The following HIVEP3 variants were observed in gnomAD, a reference collection of about 807,000 sequenced individuals.
HIVEP3 encodes transcription factor HIVEP3.
A neutral mutation model predicts 152.8 loss-of-function variants in HIVEP3; 49 were observed. The ratio of observed to expected loss-of-function variants is 0.32; its 90% CI spans 0.26 to 0.41. The LOEUF is 0.41. Among genes scored for constraint, HIVEP3 ranks in the 10% least tolerant of loss-of-function variants. HIVEP3 has a pLI of 1.00. For missense variants in HIVEP3, 2,790 were observed against 3,103.3 expected (o/e 0.90, Z 2.40); for synonymous variants, 1,269 against 1,289.0 (o/e 0.98, Z 0.33).
At chr1:41,547,860 C>G (rs1643841747) in intron 5 of HIVEP3, among the ~76,000 whole-genome samples, 1 of 150,794 alleles carries the variant, frequency 6.6e-6, no homozygotes, top group African/African-American at 2.4e-5. Context: ...ACACCTTCCA[C>G]CTGACCATGG....
chr1:41,630,323 G>A (rs995302550), intron 2 of HIVEP3, among the ~76,000 whole-genome samples: 109 of 152,258 alleles, frequency 7.2e-4, no homozygotes, highest in African/African-American at 2.5e-3. Flanking sequence ...TACCTAGTGC[G>A]TACTATGCTC....
At chr1:41,906,666 G>A (rs1644716219) in intron 1 of HIVEP3, among the ~76,000 whole-genome samples, 1 of 152,054 alleles carries the variant, frequency 6.6e-6, no homozygotes, top group East Asian at 1.9e-4. Context: ...ACTTCAAAAG[G>A]TGAATTTTAT....
intron 1 of HIVEP3, among the ~76,000 whole-genome samples, chr1:41,862,598 A>T (rs1421207572): frequency 1.3e-5 from 2 of 152,056 alleles, no homozygotes; most frequent in African/African-American, 4.8e-5. Flanking sequence ...CATGGCTGTC[A>T]ACATTTCCCA....
intron 1 of HIVEP3, among the ~76,000 whole-genome samples, chr1:41,938,215 C>T (rs1392480170): frequency 6.6e-6 from 1 of 152,178 alleles, no homozygotes; most frequent in East Asian, 1.9e-4. Flanking sequence ...TCTCTCATAG[C>T]ACCACATCTC....
intron 1 of HIVEP3, among the ~76,000 whole-genome samples, chr1:41,811,011 A>G (rs868854765): frequency 6.6e-6 from 1 of 151,926 alleles, no homozygotes; most frequent in Non-Finnish European, 1.5e-5. Context: ...GACTCCTAGG[A>G]TGCCCTTTTC....
chr1:41,570,489 G>A (rs564010200), intron 5 of HIVEP3, among the ~76,000 whole-genome samples: 1 of 152,268 alleles, frequency 6.6e-6, no homozygotes, highest in Non-Finnish European at 1.5e-5. Flanking sequence ...ACCTTGCGAA[G>A]AAGGTGCCTT....
intron 1 of HIVEP3, among the ~76,000 whole-genome samples, chr1:41,765,840 G>A (rs1244338000): frequency 6.6e-6 from 1 of 152,084 alleles, no homozygotes; most frequent in Non-Finnish European, 1.5e-5. Flanking sequence ...GTCACAGAAT[G>A]TCCCTGCCCT....
At chr1:41,959,828 A>T (rs1279474691) in intron 1 of HIVEP3, among the ~76,000 whole-genome samples, 1 of 152,150 alleles carries the variant, frequency 6.6e-6, no homozygotes, top group African/African-American at 2.4e-5. Flanking sequence ...GTTTTTGCTA[A>T]AATTAAGTTA....
chr1:41,977,516 C>T (rs940048586), intron 1 of HIVEP3, among the ~76,000 whole-genome samples: 1 of 152,148 alleles, frequency 6.6e-6, no homozygotes, highest in Non-Finnish European at 1.5e-5. Flanking sequence ...AGTGTCACAT[C>T]CCCCCATCTC....
chr1:41,538,920 C>T (rs142872025), intron 5 of HIVEP3, among the ~76,000 whole-genome samples: 13 of 152,102 alleles, frequency 8.5e-5, no homozygotes, highest in Admixed American at 2.0e-4. Flanking sequence ...ATCTGTGCTC[C>T]GGATTCATGG....
chr1:41,582,871 A>G lies in HIVEP3; in HGVS notation c.1927T>C (p.Tyr643His). The change falls in exon 4 of 9, where the codon TAC becomes CAC. Residue 643 changes from tyrosine (Y) to histidine (H), a missense_variant. Tyr to His is a moderately conservative substitution (Grantham distance 83). Coordinates refer to ENST00000372583, the MANE Select transcript of HIVEP3 (RefSeq NM_024503.5). This position sits in a 1 kb window ranked among gnomAD's most constrained non-coding sequence, Gnocchi z 4.7. ...CGAGCACCACATATGTTACATTCGT[A>G]GATCACCCCTTTTGTTTTCAAACCC... Reference protein sequence around the residue: ...KKGLKTKGVIYECNICGARYK... With the variant: ...KKGLKTKGVIHECNICGARYK... The G allele has an allele frequency of 6.2e-7, 1 of 1,614,130 alleles. No individual in the cohort carries two copies. The highest frequency in any genetic ancestry group is 8.5e-7 in the Non-Finnish European group (1 of 1,180,024).
chr1:41,961,158 G>C (rs1243928611), intron 1 of HIVEP3, among the ~76,000 whole-genome samples: 2 of 152,210 alleles, frequency 1.3e-5, no homozygotes, highest in Non-Finnish European at 2.9e-5. Context: ...CCACCAAGCT[G>C]TGTGGAAGCT....
chr1:41,832,336 T>C (rs1173808499), intron 1 of HIVEP3, among the ~76,000 whole-genome samples: 1 of 152,168 alleles, frequency 6.6e-6, no homozygotes, highest in Non-Finnish European at 1.5e-5. Flanking sequence ...AAGACCAGCC[T>C]GGGCAATGTG....
At chr1:41,839,309 G>C (rs149120882) in intron 1 of HIVEP3, among the ~76,000 whole-genome samples, 71 of 152,306 alleles carry the variant, frequency 4.7e-4, no homozygotes, top group African/African-American at 1.6e-3. Context: ...TTCCTTTGAA[G>C]AAGAGCCTCT....
chr1:41,987,828 T>C (rs1645332989), intron 1 of HIVEP3, among the ~76,000 whole-genome samples: 1 of 152,166 alleles, frequency 6.6e-6, no homozygotes, highest in African/African-American at 2.4e-5. Context: ...CTTACAATTA[T>C]GGCGGAAGGG....
chr1:41,653,984 C>T (rs1242075545), intron 2 of HIVEP3, among the ~76,000 whole-genome samples: 2 of 128,214 alleles, frequency 1.6e-5, no homozygotes, highest in Non-Finnish European at 3.3e-5. Flanking sequence ...AAAAAAAAAC[C>T]AGATTACCTT....
At chr1:41,928,143 T>TA (rs911004476) in intron 1 of HIVEP3, among the ~76,000 whole-genome samples, 3 of 150,632 alleles carry the variant, frequency 2.0e-5, no homozygotes, top group South Asian at 4.2e-4. Flanking sequence ...ATAATATCCC[T>TA]AAAAATAGGA....
At chr1:41,949,707 G>A (rs1645095271) in intron 1 of HIVEP3, among the ~76,000 whole-genome samples, 1 of 152,154 alleles carries the variant, frequency 6.6e-6, no homozygotes. Context: ...TTTGGACCCT[G>A]TATCTTTAAC....
At chr1:41,749,470 A>C (rs2124220870) in intron 1 of HIVEP3, among the ~76,000 whole-genome samples, 1 of 144,670 alleles carries the variant, frequency 6.9e-6, no homozygotes, top group Admixed American at 6.9e-5. Flanking sequence ...GAGAATGAGA[A>C]TAATTCTAGA....
Sources: allele counts gnomAD v4.1 joint callset (sites outside exome capture counted in the v4.1 genomes callset), GRCh38; gene constraint gnomAD v4.1.1; non-coding constraint Gnocchi (gnomAD v3.1); transcripts MANE v1.5; gene names NCBI Gene and HGNC (gene_info 2026-07-23, HGNC 2026-07-21).